ZC3H7B: variants seen among roughly 807,000 people sequenced by gnomAD.
ZC3H7B encodes zinc finger CCCH-type containing 7B, also known as zinc finger CCCH domain-containing protein 7B.
ZC3H7B carries 35 observed loss-of-function variants against 116.0 expected under a neutral mutation model. The ratio of observed to expected loss-of-function variants is 0.30; its 90% CI spans 0.23 to 0.40. The LOEUF is 0.40. Ranked by LOEUF, ZC3H7B falls within the 10% of genes least tolerant of loss-of-function variation. ZC3H7B has a pLI of 1.00. For synonymous variants in ZC3H7B, 502 were observed against 545.6 expected (o/e 0.92, Z 1.11); for missense variants, 1,011 against 1,321.5 (o/e 0.77, Z 3.64).
rs2035989761 is a variant in ZC3H7B at position 41,302,843 on chromosome 22, C to CT, written c.-7+1072dup. Among the ~76,000 whole-genome samples, 1 of 151,074 alleles carries CT rather than the reference C, an allele frequency of 6.6e-6. No individual in the cohort carries two copies. Among genetic ancestry groups the CT allele is most frequent in the Non-Finnish European group, 1.5e-5 (1 of 67,764 alleles). On this transcript the variant is annotated intron_variant, in intron 1 of 22. Transcript: ENST00000352645. The surrounding 1 kb of genome is among the most constrained non-coding windows in gnomAD (Gnocchi z 5.7). ...GGGCCCTGCGTGGGGAGTCTGGGGG[C>CT]TCTAAAAGGGGGCTGGGCCTGAGTG...
At chr22:41,308,897 C>T (rs1013822885) in intron 1 of ZC3H7B, among the ~76,000 whole-genome samples, 6 of 152,114 alleles carry the variant, frequency 3.9e-5, no homozygotes, top group Non-Finnish European at 7.4e-5. Context: ...TGTGCCCTGT[C>T]CCCTGCTAGG....
rs978926949 is a variant in ZC3H7B, at chr22:41,323,055, C to T, written c.53+2342C>T. Among the ~76,000 whole-genome samples, 4 of 152,302 alleles carry T rather than the reference C, an allele frequency of 2.6e-5. No individual in the cohort carries two copies. In the South Asian group the frequency reaches 6.2e-4, roughly 24 times the overall value. ...GACACAACACATTCTCCTTCCTCAG[C>T]GCACAACGCAGTCACTTTTCCTGGC... On this transcript the variant is annotated intron_variant, in intron 2 of 22. Transcript: ENST00000352645.
rs547187999 is a variant in ZC3H7B at position 41,323,717 on chromosome 22, C to T, written c.54-1847C>T. ...GCACGTGTGCTTCATGTGCTTAGCACGTCCTGAGAGCCCTAAGTGAATTGG... is the reference window on the plus strand; with the variant it reads ...GCACGTGTGCTTCATGTGCTTAGCATGTCCTGAGAGCCCTAAGTGAATTGG... On this transcript the variant is annotated intron_variant, in intron 2 of 22. Coordinates refer to ENST00000352645, the MANE Select transcript of ZC3H7B (RefSeq NM_017590.6). Among the ~76,000 whole-genome samples, 134 of 152,304 alleles carry T rather than the reference C, an allele frequency of 8.8e-4. 2 individuals carry two copies. Among genetic ancestry groups the T allele is most frequent in the Middle Eastern group, 6.8e-3 (2 of 294 alleles).
chr22:41,339,772 A>C (rs1208671784), intron 9 of ZC3H7B, 44 bp from the exon 10 acceptor site: 3 of 1,532,306 alleles, frequency 2.0e-6, no homozygotes, highest in African/African-American at 1.4e-5. Flanking sequence ...AGGCCTGGGC[A>C]GTCCTGTTTT....
chr22:41,312,434 TTAA>T (rs766654717), intron 1 of ZC3H7B, among the ~76,000 whole-genome samples: 1 of 134,516 alleles, frequency 7.4e-6, no homozygotes, highest in Non-Finnish European at 1.6e-5. Context: ...AGACCCTGTC[TTAA>T]TGATAATAAT....
chr22:41,327,102 C>G lies in ZC3H7B; in HGVS notation c.286-104C>G. ...ACCCAAGACTTCAGCTCCTCTGTCT[C>G]TGCCAGGAAGGGAAGCTGGTGTTCC... is the stretch of plus-strand genomic sequence containing the variant. On this transcript the variant is annotated intron_variant, in intron 4 of 22. Transcript: ENST00000352645. This position sits in a 1 kb window ranked among gnomAD's most constrained non-coding sequence, Gnocchi z 4.5. 6.6e-7 allele frequency: 1 copy of G among 1,511,838 alleles called. No individual in the cohort carries two copies. The highest frequency in any genetic ancestry group is 8.9e-7 in the Non-Finnish European group (1 of 1,122,476). 93.7% of individuals were successfully genotyped at this position (1,511,838 alleles called of 1,614,324 possible). A position where few individuals can be genotyped will look rare whatever the true frequency, so the allele number is the denominator to read the frequency against.
At chr22:41,345,917 G>GC in intron 13 of ZC3H7B, 86 bp from the exon 14 acceptor site, 1 of 1,409,594 alleles carries the variant, frequency 7.1e-7, no homozygotes, top group Non-Finnish European at 1.0e-6. Flanking sequence ...TGGGGCCAGA[G>GC]CCCCACAGGC....
chr22:41,311,068 CTT>C (rs747090159), intron 1 of ZC3H7B, among the ~76,000 whole-genome samples: 58 of 132,100 alleles, frequency 4.4e-4, no homozygotes, highest in Admixed American at 3.1e-4. Context: ...CCCAGCCTCA[CTT>C]TTTTTTTTTT....
At chr22:41,321,679 A>C (rs1379204470) in intron 2 of ZC3H7B, among the ~76,000 whole-genome samples, 1 of 151,998 alleles carries the variant, frequency 6.6e-6, no homozygotes, top group Non-Finnish European at 1.5e-5. Context: ...TCTTCTCAAC[A>C]GCCCAGTAAA....
chr22:41,342,617 A>G lies in ZC3H7B; in HGVS notation c.1286A>G (p.Tyr429Cys). ...HEFKQACQLCYPKTGPRAGDY... is the reference protein window; with the variant it reads ...HEFKQACQLCCPKTGPRAGDY... ...TTCAAGCAGGCCTGCCAGCTCTGCT[A>G]CCCCAAGACAGGTAAACTTTCACCT... The change falls in exon 12 of 23, where the codon TAC (tyrosine) becomes TGC (cysteine). Residue 429 changes from tyrosine to cysteine, a missense_variant. Around this residue, in one of 5 missense-constraint regions of ZC3H7B, gnomAD observed 179 missense variants for 178.5 expected, o/e 1.00. Coordinates refer to ENST00000352645, the MANE Select transcript of ZC3H7B (RefSeq NM_017590.6). The G allele has an allele frequency of 6.2e-7, 1 of 1,612,242 alleles. No individual in the cohort carries two copies. Among genetic ancestry groups the G allele is most frequent in the Non-Finnish European group, 8.5e-7 (1 of 1,179,776 alleles).
intron 15 of ZC3H7B, 134 bp from the exon 16 acceptor site, chr22:41,348,986 C>A: frequency 2.0e-6 from 2 of 993,622 alleles, no homozygotes; most frequent in South Asian, 1.6e-5. Flanking sequence ...CCTGTGTCAT[C>A]CATGGCCTGG....
chr22:41,316,840 A>G (rs776153092), intron 1 of ZC3H7B, among the ~76,000 whole-genome samples: 2 of 148,474 alleles, frequency 1.3e-5, no homozygotes, highest in Non-Finnish European at 3.0e-5. Flanking sequence ...ATGCCCAGCT[A>G]ATTTTTTTTC....
At chr22:41,352,623 G>A (rs557032193) in intron 17 of ZC3H7B, among the ~76,000 whole-genome samples, 6 of 151,966 alleles carry the variant, frequency 3.9e-5, no homozygotes, top group African/African-American at 9.6e-5. Flanking sequence ...TTAGCTGGGC[G>A]TGGTGGCGGG....
At chr22:41,347,836 G>A (rs1226946069) in intron 14 of ZC3H7B, among the ~76,000 whole-genome samples, 2 of 152,118 alleles carry the variant, frequency 1.3e-5, no homozygotes, top group Admixed American at 6.6e-5. Context: ...TGGGAGTGGT[G>A]GGATCAGAGG....
intron 1 of ZC3H7B, among the ~76,000 whole-genome samples, chr22:41,307,626 A>G (rs1365110233): frequency 6.6e-6 from 1 of 152,124 alleles, no homozygotes; most frequent in Non-Finnish European, 1.5e-5. Flanking sequence ...AGCACATAAC[A>G]CCCATATAAC....
rs1183155799 is a variant in ZC3H7B at position 41,325,987 on chromosome 22, G to A, written c.285+69G>A. On this transcript the variant is annotated intron_variant, in intron 4 of 22. Coordinates refer to ENST00000352645, the MANE Select transcript of ZC3H7B (RefSeq NM_017590.6). ...TCCCCTGGATGCCCAGTCGAGCCAG[G>A]CCCATACCCCAGTGAGCCTGTAGAC... 1.8e-5 allele frequency: 28 copies of A among 1,521,436 alleles called. No individual in the cohort carries two copies. In the Admixed American group the frequency reaches 5.4e-4, roughly 29 times the overall value. 94.2% of individuals were successfully genotyped at this position (1,521,436 alleles called of 1,614,324 possible). A position where few individuals can be genotyped will look rare whatever the true frequency, so the allele number is the denominator to read the frequency against.
At position 41,359,357 on chromosome 22, in the gene ZC3H7B, A is replaced by G. The variant is rs1212071935; in HGVS notation, c.*1928A>G. The G allele has an allele frequency of 6.6e-6, 1 of 152,396 alleles. No individual in the cohort carries two copies. Among genetic ancestry groups the G allele is most frequent in the Non-Finnish European group, 1.5e-5 (1 of 68,036 alleles). The allele number at this position is 152,396 out of a possible 1,614,324, so 9.4% of individuals were successfully genotyped here. On this transcript the variant is annotated 3_prime_UTR_variant, in exon 23 of 23. Coordinates refer to ENST00000352645, the MANE Select transcript of ZC3H7B (RefSeq NM_017590.6). ...GTGTGGTATCCAAGGAATCACTTTT[A>G]TGAGGGCTAAAGATAAAGAATTTGG...
intron 1 of ZC3H7B, among the ~76,000 whole-genome samples, chr22:41,307,788 G>C (rs944979801): frequency 2.0e-5 from 3 of 152,156 alleles, no homozygotes; most frequent in Non-Finnish European, 4.4e-5. Flanking sequence ...GGCTCAGAAA[G>C]ACTAAGTTAA....
chr22:41,345,753 G>A (rs1024674544), intron 13 of ZC3H7B, among the ~76,000 whole-genome samples: 2 of 152,142 alleles, frequency 1.3e-5, no homozygotes, highest in Non-Finnish European at 2.9e-5. Context: ...TGGCAGCAGG[G>A]GGTGCAGCAG....
Sources: gnomAD v4.1 joint callset for allele counts (sites outside exome capture counted in the v4.1 genomes callset) on GRCh38, gnomAD v4.1.1 for gene constraint, gnomAD v4.1.1 regional missense constraint, Gnocchi (gnomAD v3.1) non-coding constraint, MANE v1.5 for transcripts, NCBI Gene and HGNC (gene_info 2026-07-23, HGNC 2026-07-21) for gene names.